DDAH1: variants seen among roughly 807,000 people sequenced by gnomAD.
The protein encoded by DDAH1 is N(G),N(G)-dimethylarginine dimethylaminohydrolase 1.
DDAH1 carries 19 observed loss-of-function variants against 28.8 expected under a neutral mutation model. The observed-to-expected ratio is 0.66, with a 90% CI of 0.46 to 0.97. The LOEUF is 0.97. Among genes scored for constraint, DDAH1 ranks in the 50% least tolerant of loss-of-function variants. The pLI is 0.00. For missense variants in DDAH1, 326 were observed against 375.9 expected, an observed-to-expected ratio of 0.87 and a Z score of 1.10; for synonymous variants, 153 against 154.4, an observed-to-expected ratio of 0.99 and a Z score of 0.07.
At chr1:85,365,526 G>A (rs1650027765) in intron 1 of DDAH1, among the ~76,000 whole-genome samples, 1 of 152,176 alleles carries the variant, frequency 6.6e-6, no homozygotes, top group Non-Finnish European at 1.5e-5. Flanking sequence ...CAGAGTATGA[G>A]GAGGAGTTAG....
chr1:85,395,587 G>A (rs760248332), intron 1 of DDAH1, among the ~76,000 whole-genome samples: 23 of 151,918 alleles, frequency 1.5e-4, no homozygotes, highest in Non-Finnish European at 2.4e-4. Context: ...GAGGAGAATC[G>A]CTTGAACCTG....
Position 85,464,430 on chromosome 1 carries a change from G to T in DDAH1, c.303+313C>A. 1 of 1,404,552 alleles carries T rather than the reference G, an allele frequency of 7.1e-7. No homozygotes were observed. The highest frequency in any genetic ancestry group is 9.5e-7 in the Non-Finnish European group (1 of 1,052,372). The allele number at this position is 1,404,552 out of a possible 1,614,324, so 87.0% of individuals were successfully genotyped here. ...CCTGGGAAACACTCAGAGTTGCACTGTCGTCGCTGCCGTTTAATTTTCACA... is the reference window on the plus strand; with the variant it reads ...CCTGGGAAACACTCAGAGTTGCACTTTCGTCGCTGCCGTTTAATTTTCACA... On this transcript the variant is annotated intron_variant, in intron 1 of 5. Coordinates refer to ENST00000284031, the MANE Select transcript of DDAH1 (RefSeq NM_012137.4). This position sits in a 1 kb window ranked among gnomAD's most constrained non-coding sequence, Gnocchi z 4.4.
intron 1 of DDAH1, among the ~76,000 whole-genome samples, chr1:85,557,573 T>C (rs72944618): frequency 0.06 from 9,073 of 152,254 alleles, 866 homozygotes; most frequent in African/African-American, 0.21. Flanking sequence ...TTTTTTTCAC[T>C]GTAACATGCA....
intron 4 of DDAH1, among the ~76,000 whole-genome samples, chr1:85,344,367 C>T (rs1648703417): frequency 6.6e-6 from 1 of 151,996 alleles, no homozygotes; most frequent in Non-Finnish European, 1.5e-5. Flanking sequence ...GACAAAACAA[C>T]AAAAAATTCC....
intron 1 of DDAH1, among the ~76,000 whole-genome samples, chr1:85,526,289 T>C (rs1268604035): frequency 5.9e-5 from 9 of 152,184 alleles, no homozygotes; most frequent in African/African-American, 1.2e-4. Context: ...TCTAATACTA[T>C]ATGTTTGCAG....
intron 1 of DDAH1, among the ~76,000 whole-genome samples, chr1:85,548,484 T>C (rs1044745438): frequency 1.3e-5 from 2 of 152,160 alleles, no homozygotes; most frequent in African/African-American, 2.4e-5. Context: ...TGTACACATG[T>C]GTAAGGGGTG....
intron 2 of DDAH1, 22 bp downstream of exon 2, chr1:85,358,726 G>GA (rs1471715457): frequency 1.6e-5 from 24 of 1,477,002 alleles, no homozygotes; most frequent in African/African-American, 2.8e-5. Flanking sequence ...TTCTTGGATA[G>GA]AAAAAATAAA....
At chr1:85,540,960 TAAA>T (rs140965112) in intron 1 of DDAH1, among the ~76,000 whole-genome samples, 15 of 106,656 alleles carry the variant, frequency 1.4e-4, no homozygotes, top group Admixed American at 2.1e-4. Flanking sequence ...ACTCAGTATC[TAAA>T]AAAAAAAAAA....
intron 1 of DDAH1, among the ~76,000 whole-genome samples, chr1:85,506,014 C>A (rs543489744): frequency 1.3e-5 from 2 of 152,200 alleles, no homozygotes; most frequent in African/African-American, 4.8e-5. Context: ...TCAGGGGAGA[C>A]AAAGATGTAT....
At chr1:85,362,920 G>A (rs749289912) in intron 1 of DDAH1, among the ~76,000 whole-genome samples, 16 of 151,852 alleles carry the variant, frequency 1.1e-4, no homozygotes, top group Non-Finnish European at 2.2e-4. Context: ...TTTTGTTCTT[G>A]CAAAATCTCC....
chr1:85,355,317 T>C (rs233087), intron 2 of DDAH1, among the ~76,000 whole-genome samples: 120,493 of 152,046 alleles, frequency 0.79, 47,831 homozygotes, highest in South Asian at 0.92. Flanking sequence ...GTATTGATTC[T>C]AGAGAATAGA....
intron 1 of DDAH1, among the ~76,000 whole-genome samples, chr1:85,401,376 C>T (rs1004477839): frequency 4.0e-5 from 6 of 151,884 alleles, no homozygotes; most frequent in African/African-American, 1.5e-4. Flanking sequence ...TAAAGATAGG[C>T]TAAATAGCAC....
At chr1:85,479,173 T>C (rs995276651) in intron 2 of DDAH1, among the ~76,000 whole-genome samples, 5 of 131,666 alleles carry the variant, frequency 3.8e-5, no homozygotes, top group Admixed American at 3.7e-4. Context: ...TTTTTTTTTT[T>C]TTTTTTTTTT....
Position 85,324,892 on chromosome 1 carries a change from A to G in DDAH1, c.598-9T>C. The G allele has an allele frequency of 6.2e-7, 1 of 1,613,726 alleles. No homozygotes were observed. The highest frequency in any genetic ancestry group is 8.5e-7 in the Non-Finnish European group (1 of 1,179,860). On this transcript the variant is annotated splice_polypyrimidine_tract_variant and intron_variant, in intron 4 of 5. Transcript: ENST00000284031. ...CTCATCTGTTGCATGATCTATAAAG[A>G]GAAACAAAGCAGGCCTAAGAAGAGT...
intron 4 of DDAH1, among the ~76,000 whole-genome samples, chr1:85,326,709 G>A (rs765926404): frequency 3.3e-5 from 5 of 152,138 alleles, no homozygotes; most frequent in Admixed American, 6.5e-5. Context: ...ACCTGCTACC[G>A]TCTGGTATAG....
chr1:85,444,226 G>C (rs1403904082), intron 1 of DDAH1, among the ~76,000 whole-genome samples: 1 of 152,076 alleles, frequency 6.6e-6, no homozygotes, highest in Non-Finnish European at 1.5e-5. Flanking sequence ...TAGCATGAAG[G>C]GCTGTTGAAT....
intron 2 of DDAH1, among the ~76,000 whole-genome samples, chr1:85,488,578 A>T (rs1174880689): frequency 6.6e-6 from 1 of 152,188 alleles, no homozygotes; most frequent in East Asian, 1.9e-4. Flanking sequence ...GGAGACATGA[A>T]CATTCATTTC....
intron 1 of DDAH1, among the ~76,000 whole-genome samples, chr1:85,549,130 A>G (rs530362271): frequency 3.3e-5 from 5 of 152,214 alleles, no homozygotes; most frequent in South Asian, 2.1e-4. Context: ...GTCACTCTGT[A>G]TGAAAGCATG....
chr1:85,504,396 G>A lies in DDAH1; in HGVS notation c.-122-8115C>T, dbSNP rs538840409. 4.6e-5 allele frequency among the ~76,000 whole-genome samples: 7 copies of A among 152,242 alleles called. No homozygotes were observed. In the South Asian group the frequency reaches 8.3e-4, roughly 18 times the overall value. ...ATAAAAAGTTGGCAGAGATGAGCAG[G>A]CTCTCAACAATAGTCTTTGGCTGTG... On this transcript the variant is annotated intron_variant, in intron 1 of 6. Transcript: ENST00000426972.
Sources: allele counts gnomAD v4.1 joint callset (sites outside exome capture counted in the v4.1 genomes callset), GRCh38; gene constraint gnomAD v4.1.1; non-coding constraint Gnocchi (gnomAD v3.1); transcripts MANE v1.5; gene names NCBI Gene and HGNC (gene_info 2026-07-23, HGNC 2026-07-21).